ZNRF3: variants seen among roughly 807,000 people sequenced by gnomAD.
ZNRF3 encodes zinc and ring finger 3.
Under a neutral mutation model 72.5 loss-of-function variants are expected in ZNRF3, and 23 were observed. That is an observed-to-expected ratio of 0.32 (90% CI 0.23 to 0.45). ZNRF3 has a LOEUF of 0.45. Ranked by LOEUF, ZNRF3 falls within the 20% of genes least tolerant of loss-of-function variation. ZNRF3 has a pLI of 1.00. For synonymous variants in ZNRF3, 610 were observed against 545.3 expected, an observed-to-expected ratio of 1.12 and a Z score of -1.65; for missense variants, 1,169 against 1,272.1, an observed-to-expected ratio of 0.92 and a Z score of 1.23.
chr22:29,003,775 A>T (rs1370485527), intron 2 of ZNRF3, among the ~76,000 whole-genome samples: 1 of 152,002 alleles, frequency 6.6e-6, no homozygotes, highest in Non-Finnish European at 1.5e-5. Context: ...GGTGGAGGCT[A>T]CAGTGGGTGG....
chr22:28,968,344 A>G (rs2035511613), intron 1 of ZNRF3, among the ~76,000 whole-genome samples: 2 of 152,092 alleles, frequency 1.3e-5, no homozygotes, highest in African/African-American at 2.4e-5. Context: ...GTTGTGTTTT[A>G]TATTTCCTTA....
At chr22:28,992,756 TCTATC>T (rs1309897829) in intron 2 of ZNRF3, 1 of 152,290 alleles carries the variant, frequency 6.6e-6, no homozygotes, top group Non-Finnish European at 1.5e-5. Flanking sequence ...ATGTCCTCAG[TCTATC>T]CTGAGTCATT....
At chr22:28,963,621 G>C (rs1319756780) in intron 1 of ZNRF3, among the ~76,000 whole-genome samples, 1 of 152,168 alleles carries the variant, frequency 6.6e-6, no homozygotes, top group Non-Finnish European at 1.5e-5. Context: ...CCTACCTCTT[G>C]GGGGTTTTGG....
intron 1 of ZNRF3, among the ~76,000 whole-genome samples, chr22:28,904,654 C>G (rs2034171186): frequency 6.6e-6 from 1 of 152,134 alleles, no homozygotes; most frequent in Non-Finnish European, 1.5e-5. Context: ...CATGCAACAG[C>G]CTTCCTTTTA....
intron 2 of ZNRF3, among the ~76,000 whole-genome samples, chr22:29,035,177 G>A (rs1460511233): frequency 1.3e-5 from 2 of 151,940 alleles, no homozygotes; most frequent in Admixed American, 6.6e-5. Flanking sequence ...CAATGTGGTC[G>A]GTAAGGTCTA....
Position 28,917,335 on chromosome 22 carries a change from C to A in ZNRF3, c.300+33269C>A, listed in dbSNP as rs1036848214. The A allele has an allele frequency of 1.7e-5, 12 of 724,830 alleles. No individual in the cohort carries two copies. In the South Asian group the frequency reaches 3.1e-4, roughly 19 times the overall value. The allele number at this position is 724,830 out of a possible 1,614,324, so 44.9% of individuals were successfully genotyped here. A position where few individuals can be genotyped will look rare whatever the true frequency, so the allele number is the denominator to read the frequency against. The stretch of plus-strand genomic sequence containing the variant: ...TAGGTATGTGTGCTCTTGAGAGAAG[C>A]CCATTCTGATCTAACTGCCAACTCC... On this transcript the variant is annotated intron_variant, in intron 1 of 8. Transcript: ENST00000544604.
intron 2 of ZNRF3, chr22:29,026,435 G>C (rs1356847787): frequency 6.6e-6 from 1 of 152,180 alleles, no homozygotes; most frequent in Non-Finnish European, 1.5e-5. Flanking sequence ...GAGTATGTTT[G>C]AGGGCTTACT....
At position 29,049,544 on chromosome 22, in the gene ZNRF3, A is replaced by C. The variant is rs1159136377; in HGVS notation, c.1363A>C (p.Ser455Arg). 6.2e-7 allele frequency: 1 copy of C among 1,604,386 alleles called. No homozygotes were observed. Among genetic ancestry groups the C allele is most frequent in the South Asian group, 1.1e-5 (1 of 90,538 alleles). Residue 455 changes from serine (S) to arginine (R), a missense_variant, in exon 8 of 9, where the codon AGC becomes CGC. By Grantham distance (110) the Ser-to-Arg change is moderately radical. Transcript: ENST00000544604. This position sits in a 1 kb window ranked among gnomAD's most constrained non-coding sequence, Gnocchi z 5.2. ...CCGCAGGCCCAAGTTGAGTGGCCGC[A>C]GCTTCTCCAAGGCAGCTTGCTTCTC... is the stretch of plus-strand genomic sequence containing the variant. ...PFRRPKLSGR[S>R]FSKAACFSQY...
At chr22:29,004,048 T>C (rs2036198206) in intron 2 of ZNRF3, among the ~76,000 whole-genome samples, 1 of 152,254 alleles carries the variant, frequency 6.6e-6, no homozygotes, top group Non-Finnish European at 1.5e-5. Context: ...AAAAGAAGCA[T>C]GCACCTAACG....
At chr22:28,898,932 T>G (rs988576666) in intron 1 of ZNRF3, among the ~76,000 whole-genome samples, 3 of 148,608 alleles carry the variant, frequency 2.0e-5, no homozygotes, top group African/African-American at 7.7e-5. Flanking sequence ...TGAGGTTTTT[T>G]TTTTTTTTTT....
intron 1 of ZNRF3, among the ~76,000 whole-genome samples, chr22:28,920,955 G>A (rs1208571832): frequency 6.6e-6 from 1 of 152,234 alleles, no homozygotes; most frequent in African/African-American, 2.4e-5. Flanking sequence ...CACACACGGG[G>A]CTAGACCCAG....
At chr22:29,042,415 T>C in intron 2 of ZNRF3, 80 bp from the exon 3 acceptor site, 1 of 1,183,720 alleles carries the variant, frequency 8.4e-7, no homozygotes, top group Non-Finnish European at 1.2e-6. Flanking sequence ...TGCATTTGAT[T>C]ACAGGCCTGA....
chr22:29,043,024 C>T (rs966687082), intron 3 of ZNRF3, among the ~76,000 whole-genome samples: 13 of 151,968 alleles, frequency 8.6e-5, no homozygotes, highest in African/African-American at 3.1e-4. Context: ...CCATCTGCCT[C>T]GGCCTCCCAA....
At chr22:28,913,632 A>G (rs2034358175) in intron 1 of ZNRF3, among the ~76,000 whole-genome samples, 1 of 152,166 alleles carries the variant, frequency 6.6e-6, no homozygotes, top group African/African-American at 2.4e-5. Context: ...GGTCTTCTCT[A>G]TAATTGGGTG....
At chr22:29,005,747 T>C (rs961039493) in intron 2 of ZNRF3, among the ~76,000 whole-genome samples, 5 of 152,192 alleles carry the variant, frequency 3.3e-5, no homozygotes, top group African/African-American at 1.2e-4. Context: ...TCTAGTGATC[T>C]TGGAGGGCTG....
chr22:28,984,320 C>T (rs1464461166), intron 1 of ZNRF3, among the ~76,000 whole-genome samples: 2 of 152,152 alleles, frequency 1.3e-5, no homozygotes, highest in Non-Finnish European at 2.9e-5. Flanking sequence ...ATTTGCCCCT[C>T]CCTGCTGCCC....
chr22:28,884,132 C>T, intron 1 of ZNRF3, 66 bp downstream of exon 1: 1 of 1,040,678 alleles, frequency 9.6e-7, no homozygotes, highest in Non-Finnish European at 1.2e-6. Flanking sequence ...GCTGCGCCCG[C>T]CGACCCCGCC....
chr22:28,951,927 C>T (rs1006484316), intron 1 of ZNRF3, among the ~76,000 whole-genome samples: 1 of 152,214 alleles, frequency 6.6e-6, no homozygotes, highest in South Asian at 2.1e-4. Flanking sequence ...TTTGCATGTA[C>T]CTCTTCCCCT....
chr22:28,989,448 G>A (rs1338457732), intron 2 of ZNRF3, among the ~76,000 whole-genome samples: 2 of 152,048 alleles, frequency 1.3e-5, no homozygotes, highest in African/African-American at 2.4e-5. Flanking sequence ...TGACAACTGC[G>A]TTTTCTTGTT....
Sources: allele counts gnomAD v4.1 joint callset (sites outside exome capture counted in the v4.1 genomes callset), GRCh38; gene constraint gnomAD v4.1.1; non-coding constraint Gnocchi (gnomAD v3.1); transcripts MANE v1.5; gene names NCBI Gene and HGNC (gene_info 2026-07-23, HGNC 2026-07-21).